NME7: variants seen among roughly 807,000 people sequenced by gnomAD.
NME7 encodes the protein nucleoside diphosphate kinase 7.
NME7 carries 41 observed loss-of-function variants against 49.1 expected under a neutral mutation model. That is an observed-to-expected ratio of 0.83 (90% confidence interval 0.65 to 1.08). NME7 has a LOEUF of 1.08. NME7 is among the 50% of genes least tolerant of loss of function. The pLI, the probability that NME7 is intolerant of heterozygous loss-of-function variation, is 0.00. For missense variants in NME7, 423 were observed against 463.4 expected (o/e 0.91, Z 0.80); for synonymous variants, 139 against 150.6 (o/e 0.92, Z 0.56).
intron 1 of NME7, among the ~76,000 whole-genome samples, chr1:169,343,795 C>G (rs7520046): frequency 1.3e-5 from 2 of 152,112 alleles, no homozygotes; most frequent in Non-Finnish European, 1.5e-5. Context: ...GCACTTGGCC[C>G]ACATTGAATT....
chr1:169,208,804 A>G (rs767128939), intron 10 of NME7, among the ~76,000 whole-genome samples: 5 of 152,140 alleles, frequency 3.3e-5, no homozygotes, highest in Admixed American at 6.6e-5. Flanking sequence ...AAAAGTCTCT[A>G]AATGTTGCCT....
intron 10 of NME7, among the ~76,000 whole-genome samples, chr1:169,205,213 T>A (rs529607468): frequency 8.5e-5 from 13 of 152,270 alleles, no homozygotes; most frequent in African/African-American, 3.1e-4. Flanking sequence ...CTACTTTCTA[T>A]AATCAGAGTC....
intron 10 of NME7, 40 bp from the exon 11 acceptor site, chr1:169,169,594 T>C (rs1324819582): frequency 1.3e-6 from 2 of 1,557,584 alleles, no homozygotes. Flanking sequence ...ATGTTAGTCA[T>C]ATGGTATAAA....
At chr1:169,198,207 T>C (rs1197452136) in intron 10 of NME7, among the ~76,000 whole-genome samples, 3 of 151,998 alleles carry the variant, frequency 2.0e-5, no homozygotes, top group African/African-American at 7.2e-5. Flanking sequence ...TACTAACATA[T>C]ACTGGTGAGA....
In NME7 at chr1:169,237,644, A is replaced by G. The variant is rs749801246; in HGVS notation, c.798T>C (p.Phe266=). ...CTACCATCTGCATAGCTGAGATTTC[A>G]AAACCTGCATCTCGGATAGCCATCA... is the stretch of plus-strand genomic sequence containing the variant. ...KILMAIRDAG[F]EISAMQMFNM... is the part of the protein sequence containing the mutation. The change falls in exon 8 of 12, where the codon TTT becomes TTC. Residue 266 remains phenylalanine (F), a synonymous_variant. Coordinates refer to ENST00000367811, the MANE Select transcript of NME7 (RefSeq NM_013330.5). 6.2e-7 allele frequency: 1 copy of G among 1,611,412 alleles called. No individual in the cohort carries two copies.
chr1:169,330,495 T>C (rs1019130564), intron 1 of NME7, among the ~76,000 whole-genome samples: 3 of 151,906 alleles, frequency 2.0e-5, no homozygotes, highest in Non-Finnish European at 4.4e-5. Flanking sequence ...CTGGCCAACA[T>C]AGTGAAACCC....
chr1:169,243,118 T>G (rs1398167786), intron 7 of NME7, among the ~76,000 whole-genome samples: 3 of 152,166 alleles, frequency 2.0e-5, no homozygotes, highest in Non-Finnish European at 2.9e-5. Context: ...AAATGTGAGG[T>G]AATCAGTCTA....
At chr1:169,216,362 CTA>C (rs759794599) in intron 10 of NME7, among the ~76,000 whole-genome samples, 7 of 152,156 alleles carry the variant, frequency 4.6e-5, no homozygotes, top group African/African-American at 7.2e-5. Flanking sequence ...CCAACCATGA[CTA>C]TGAAATGAGA....
intron 4 of NME7, among the ~76,000 whole-genome samples, chr1:169,306,719 G>A (rs1275207558): frequency 1.3e-5 from 2 of 152,208 alleles, no homozygotes; most frequent in South Asian, 2.1e-4. Context: ...AAGTTGTAAA[G>A]AAAATAACAT....
In NME7 at chr1:169,306,835, C is replaced by A. The variant is rs1469139712; in HGVS notation, c.389+3135G>T. ...TTCGAGACTAGCCTGGGCAACAAAG[C>A]GAGACCACGTTTTTTAAAAAAACAA... On this transcript the variant is annotated intron_variant, in intron 4 of 11. Transcript: ENST00000367811. Among the ~76,000 whole-genome samples, 3 of 151,982 alleles carry A rather than the reference C, an allele frequency of 2.0e-5. No homozygotes were observed. The South Asian group carries it at 6.2e-4, about 32-fold the overall frequency.
chr1:169,216,843 C>T lies in NME7; in HGVS notation c.990+13875G>A, dbSNP rs181781378. Among the ~76,000 whole-genome samples the T allele has an allele frequency of 3.2e-3, 494 of 152,334 alleles. 3 individuals carry two copies. Among genetic ancestry groups the T allele is most frequent in the African/African-American group, 0.011 (457 of 41,578 alleles). On this transcript the variant is annotated intron_variant, in intron 10 of 11. Coordinates refer to ENST00000367811, the MANE Select transcript of NME7 (RefSeq NM_013330.5). Reference sequence around the variant, plus strand: ...GGTAGGGAAAAATCCCCACACACTTCTTGGTGACCAAAAGTCACAGAGGTC... The same window carrying T: ...GGTAGGGAAAAATCCCCACACACTTTTTGGTGACCAAAAGTCACAGAGGTC...
intron 7 of NME7, among the ~76,000 whole-genome samples, chr1:169,265,870 A>C (rs1002158114): frequency 7.5e-6 from 1 of 132,870 alleles, no homozygotes; most frequent in African/African-American, 2.5e-5. Flanking sequence ...ATCTAAAATA[A>C]ATGAGTAATT....
At chr1:169,163,196 C>T (rs542645649) in intron 11 of NME7, among the ~76,000 whole-genome samples, 2 of 151,952 alleles carry the variant, frequency 1.3e-5, no homozygotes, top group Non-Finnish European at 2.9e-5. Flanking sequence ...CATGAGATGA[C>T]AACTAACACT....
intron 7 of NME7, among the ~76,000 whole-genome samples, chr1:169,248,104 T>C (rs1385651235): frequency 1.3e-5 from 2 of 152,210 alleles, no homozygotes; most frequent in Non-Finnish European, 1.5e-5. Context: ...CTACCAGCAG[T>C]GTATAGGTGT....
intron 10 of NME7, among the ~76,000 whole-genome samples, chr1:169,216,548 C>T (rs1212083861): frequency 1.3e-5 from 2 of 152,168 alleles, no homozygotes; most frequent in African/African-American, 2.4e-5. Context: ...AAGCAGTAAA[C>T]GTGTTTCCCT....
chr1:169,257,349 T>G (rs1448541805), intron 7 of NME7, among the ~76,000 whole-genome samples: 1 of 134,392 alleles, frequency 7.4e-6, no homozygotes, highest in African/African-American at 2.5e-5. Context: ...CGGCATCCCT[T>G]TCTTTGACTC....
At chr1:169,298,497 T>C (rs1558028652) in intron 6 of NME7, 59 bp downstream of exon 6, 1 of 1,531,200 alleles carries the variant, frequency 6.5e-7, no homozygotes, top group East Asian at 2.3e-5. Flanking sequence ...ATGCTTTCCT[T>C]TGATATAAAA....
intron 10 of NME7, among the ~76,000 whole-genome samples, chr1:169,202,853 G>A (rs1288238426): frequency 2.0e-5 from 3 of 152,102 alleles, no homozygotes; most frequent in South Asian, 2.1e-4. Context: ...TATTCAATGG[G>A]TTATAGGAGG....
At chr1:169,141,327 A>C (rs915481350) in intron 11 of NME7, among the ~76,000 whole-genome samples, 1 of 152,216 alleles carries the variant, frequency 6.6e-6, no homozygotes, top group Non-Finnish European at 1.5e-5. Flanking sequence ...TAATGTGCCA[A>C]GGAGACAGGT....
Sources: allele counts gnomAD v4.1 joint callset (sites outside exome capture counted in the v4.1 genomes callset), GRCh38; gene constraint gnomAD v4.1.1; transcripts MANE v1.5; gene names NCBI Gene and HGNC (gene_info 2026-07-23, HGNC 2026-07-21).